The following ARHGAP15 variants were observed in gnomAD, a reference collection of about 807,000 sequenced individuals.
ARHGAP15 encodes the protein Rho GTPase activating protein 15, also known as rho GTPase-activating protein 15.
ARHGAP15 carries 51 observed loss-of-function variants against 63.7 expected under a neutral mutation model. The observed-to-expected ratio is 0.80, with a 90% CI of 0.64 to 1.01. ARHGAP15 has a LOEUF of 1.01. Among genes scored for constraint, ARHGAP15 ranks in the 50% least tolerant of loss-of-function variants. ARHGAP15 has a pLI of 0.00. For synonymous variants in ARHGAP15, 191 were observed against 193.8 expected, an observed-to-expected ratio of 0.99 and a Z score of 0.12; for missense variants, 560 against 564.6, an observed-to-expected ratio of 0.99 and a Z score of 0.08.
At chr2:143,643,812 T>C (rs1680732625) in intron 12 of ARHGAP15, among the ~76,000 whole-genome samples, 1 of 152,078 alleles carries the variant, frequency 6.6e-6, no homozygotes, top group African/African-American at 2.4e-5. Flanking sequence ...AAGAAATAGA[T>C]GGGTTAGGGT....
chr2:143,261,753 G>A (rs1680736791), intron 6 of ARHGAP15, among the ~76,000 whole-genome samples: 1 of 152,128 alleles, frequency 6.6e-6, no homozygotes, highest in African/African-American at 2.4e-5. Context: ...AAAAATTTGA[G>A]ACTAGGAATT....
intron 2 of ARHGAP15, among the ~76,000 whole-genome samples, chr2:143,187,325 G>A (rs758641228): frequency 9.2e-5 from 14 of 152,274 alleles, no homozygotes; most frequent in Admixed American, 3.3e-4. Flanking sequence ...CTTTAACCCC[G>A]ACTATGTTTA....
At chr2:143,613,814 T>C (rs1475216243) in intron 11 of ARHGAP15, among the ~76,000 whole-genome samples, 2 of 152,184 alleles carry the variant, frequency 1.3e-5, no homozygotes, top group African/African-American at 2.4e-5. Flanking sequence ...TTCTTGCTCA[T>C]TGTGTCTTTT....
intron 12 of ARHGAP15, among the ~76,000 whole-genome samples, chr2:143,647,712 A>G (rs1680956236): frequency 6.6e-6 from 1 of 152,018 alleles, no homozygotes; most frequent in African/African-American, 2.4e-5. Flanking sequence ...CTTTTATCTC[A>G]ATTTACAAAC....
chr2:143,428,424 T>C (rs538117928), intron 6 of ARHGAP15, among the ~76,000 whole-genome samples: 26 of 151,736 alleles, frequency 1.7e-4, no homozygotes, highest in African/African-American at 5.6e-4. Flanking sequence ...CAGAATGATA[T>C]CAAGCAGAAG....
chr2:143,304,712 A>G (rs1268997685), intron 6 of ARHGAP15, among the ~76,000 whole-genome samples: 2 of 152,294 alleles, frequency 1.3e-5, no homozygotes, highest in East Asian at 3.9e-4. Flanking sequence ...ATAAAAATAC[A>G]TTAAATATAT....
At chr2:143,703,134 C>T (rs1300385624) in intron 12 of ARHGAP15, among the ~76,000 whole-genome samples, 5 of 152,164 alleles carry the variant, frequency 3.3e-5, no homozygotes, top group Non-Finnish European at 7.4e-5. Context: ...ACAGTACAGC[C>T]ATTCTATCTA....
intron 13 of ARHGAP15, among the ~76,000 whole-genome samples, chr2:143,721,275 C>G (rs763459152): frequency 1.3e-5 from 2 of 152,052 alleles, no homozygotes; most frequent in Non-Finnish European, 2.9e-5. Flanking sequence ...AGGACTTTAA[C>G]ATGGGGTTTG....
intron 12 of ARHGAP15, among the ~76,000 whole-genome samples, chr2:143,699,501 A>G (rs1035145165): frequency 1.3e-5 from 2 of 152,216 alleles, no homozygotes; most frequent in South Asian, 2.1e-4. Flanking sequence ...TTCATGTAGA[A>G]TGTTTCTTAT....
At chr2:143,515,145 G>A (rs947682164) in intron 9 of ARHGAP15, among the ~76,000 whole-genome samples, 5 of 151,874 alleles carry the variant, frequency 3.3e-5, no homozygotes, top group Non-Finnish European at 7.4e-5. Flanking sequence ...CACATCAGTC[G>A]TTTAACTAAT....
chr2:143,637,393 T>G (rs1313693287), intron 12 of ARHGAP15, among the ~76,000 whole-genome samples: 2 of 152,080 alleles, frequency 1.3e-5, no homozygotes, highest in African/African-American at 2.4e-5. Flanking sequence ...TCAGATAAGT[T>G]TGTACAAGTT....
rs1455105795 is a variant in ARHGAP15, at chr2:143,250,570, G to T, written c.444G>T (p.Lys148Asn). ...DLCGAHIEWA[K>N]EKSSRKNVFQ... ...GTGGAGCACACATTGAATGGGCCAAGGAAAAATCGAGCAGAAAGAATGTCT... is the reference window on the plus strand; with the variant it reads ...GTGGAGCACACATTGAATGGGCCAATGAAAAATCGAGCAGAAAGAATGTCT... Residue 148 changes from lysine (K) to asparagine (N), a missense_variant, in exon 6 of 14, where the codon AAG becomes AAT. Physicochemically the swap from Lys to Asn is moderately conservative, Grantham distance 94. Transcript: ENST00000295095. 1.9e-6 allele frequency: 3 copies of T among 1,613,314 alleles called. No homozygotes were observed. Among genetic ancestry groups the T allele is most frequent in the Non-Finnish European group, 2.5e-6 (3 of 1,179,434 alleles).
chr2:143,767,888 G>C (rs1205056306), intron 13 of ARHGAP15, 101 bp from the exon 14 acceptor site: 19 of 1,081,410 alleles, frequency 1.8e-5, no homozygotes, highest in Non-Finnish European at 2.1e-5. Context: ...TTATAATGCA[G>C]TTACTTTTCC....
At chr2:143,676,692 T>C (rs557278422) in intron 12 of ARHGAP15, 5 of 152,070 alleles carry the variant, frequency 3.3e-5, no homozygotes, top group Non-Finnish European at 7.4e-5. Context: ...CCCAAAACAA[T>C]TACAACAGTA....
At chr2:143,661,023 T>C (rs1019537011) in intron 12 of ARHGAP15, among the ~76,000 whole-genome samples, 2 of 152,182 alleles carry the variant, frequency 1.3e-5, no homozygotes, top group Admixed American at 1.3e-4. Context: ...CCTTTTCCAG[T>C]TTCTAGAGGC....
intron 5 of ARHGAP15, among the ~76,000 whole-genome samples, chr2:143,239,425 C>G (rs1473665084): frequency 6.6e-6 from 1 of 152,124 alleles, no homozygotes; most frequent in Non-Finnish European, 1.5e-5. Context: ...ATTTTGTACT[C>G]TTTGAGCAAC....
intron 2 of ARHGAP15, among the ~76,000 whole-genome samples, chr2:143,180,437 A>G (rs1251388889): frequency 6.6e-6 from 1 of 152,290 alleles, no homozygotes; most frequent in East Asian, 1.9e-4. Context: ...CCACATCTAC[A>G]GTTACATTCT....
intron 8 of ARHGAP15, among the ~76,000 whole-genome samples, chr2:143,456,870 T>C (rs915359367): frequency 1.3e-5 from 2 of 151,904 alleles, no homozygotes; most frequent in African/African-American, 4.8e-5. Context: ...TGCATGTATG[T>C]CTATAGTATA....
At chr2:143,257,758 A>G (rs1166686669) in intron 6 of ARHGAP15, among the ~76,000 whole-genome samples, 2 of 152,106 alleles carry the variant, frequency 1.3e-5, no homozygotes, top group African/African-American at 2.4e-5. Context: ...ATGGAGATCA[A>G]ACCTGAGACT....
Sources: allele counts gnomAD v4.1 joint callset (sites outside exome capture counted in the v4.1 genomes callset), GRCh38; gene constraint gnomAD v4.1.1; transcripts MANE v1.5; gene names NCBI Gene and HGNC (gene_info 2026-07-23, HGNC 2026-07-21).